ROBO1: variants seen among roughly 807,000 people sequenced by gnomAD.
The protein encoded by ROBO1 is roundabout guidance receptor 1, also known as roundabout homolog 1.
Under a neutral mutation model 195.9 loss-of-function variants are expected in ROBO1, and 149 were observed. That is an observed-to-expected ratio of 0.76 (90% CI 0.67 to 0.87). The LOEUF (loss-of-function observed/expected upper bound fraction) is 0.87, where lower values mean the gene tolerates loss of function less well. ROBO1 is among the 40% of genes least tolerant of loss of function. The pLI, the probability that ROBO1 is intolerant of heterozygous loss-of-function variation, is 0.00. For synonymous variants in ROBO1, 816 were observed against 733.2 expected, an observed-to-expected ratio of 1.11 and a Z score of -1.82; for missense variants, 1,933 against 2,068.3, an observed-to-expected ratio of 0.93 and a Z score of 1.27.
At chr3:78,968,633 G>A (rs1432193019) in intron 3 of ROBO1, among the ~76,000 whole-genome samples, 1 of 151,484 alleles carries the variant, frequency 6.6e-6, no homozygotes, top group Non-Finnish European at 1.5e-5. Context: ...GCAGTAAGAA[G>A]AAATTAAAGA....
chr3:79,755,893 G>T (rs551086554), intron 1 of ROBO1, among the ~76,000 whole-genome samples: 1 of 152,280 alleles, frequency 6.6e-6, no homozygotes, highest in Admixed American at 6.5e-5. Flanking sequence ...GCATGTGCAG[G>T]TGGCCAAGAC....
At chr3:79,435,431 T>C (rs2038849910) in intron 2 of ROBO1, among the ~76,000 whole-genome samples, 1 of 152,140 alleles carries the variant, frequency 6.6e-6, no homozygotes, top group Non-Finnish European at 1.5e-5. Flanking sequence ...GCAGCACTTT[T>C]CTCTGAAAAT....
chr3:78,788,609 AT>A (rs1243505349), intron 4 of ROBO1, among the ~76,000 whole-genome samples: 2 of 151,992 alleles, frequency 1.3e-5, no homozygotes, highest in East Asian at 3.9e-4. Flanking sequence ...AAACAACTCT[AT>A]CACTTTTACA....
intron 1 of ROBO1, among the ~76,000 whole-genome samples, chr3:79,625,450 A>G (rs1945144438): frequency 7.0e-6 from 1 of 143,692 alleles, no homozygotes; most frequent in Non-Finnish European, 1.5e-5. Context: ...AAAAAGCAAA[A>G]TAGACCACTA....
rs77942568 is a variant in ROBO1 at position 78,789,973 on chromosome 3, G to A, written c.500-43073C>T. Among the ~76,000 whole-genome samples the A allele has an allele frequency of 2.6e-5, 4 of 152,062 alleles. No homozygotes were observed. The East Asian group carries it at 7.7e-4, about 29-fold the overall frequency. Reference sequence around the variant, plus strand: ...GCTAGCTTAACATCTATACAGACGAGGCATGCAAACTTACAGCTTTTTTAA... The same window carrying A: ...GCTAGCTTAACATCTATACAGACGAAGCATGCAAACTTACAGCTTTTTTAA... On this transcript the variant is annotated intron_variant, in intron 4 of 30. Transcript: ENST00000464233.
At chr3:79,018,981 C>G in intron 3 of ROBO1, 1 of 990,108 alleles carries the variant, frequency 1.0e-6, no homozygotes, top group African/African-American at 1.7e-5. Context: ...AAAGTAGAAG[C>G]AGCAGCTCCG....
At chr3:78,799,935 T>G (rs565205449) in intron 4 of ROBO1, among the ~76,000 whole-genome samples, 1 of 152,248 alleles carries the variant, frequency 6.6e-6, no homozygotes, top group East Asian at 1.9e-4. Context: ...GTTGAGCTTG[T>G]CTAGGATTCA....
intron 3 of ROBO1, among the ~76,000 whole-genome samples, chr3:79,055,638 T>C (rs1415372107): frequency 6.6e-6 from 1 of 152,022 alleles, no homozygotes; most frequent in Non-Finnish European, 1.5e-5. Context: ...AAATTAATAT[T>C]CCACATAACT....
intron 3 of ROBO1, among the ~76,000 whole-genome samples, chr3:79,070,094 T>C (rs903142582): frequency 5.3e-5 from 8 of 151,684 alleles, no homozygotes; most frequent in Non-Finnish European, 1.0e-4. Flanking sequence ...GTATATCTGA[T>C]TTAACGAAGT....
chr3:78,783,466 G>T (rs1490700338), intron 4 of ROBO1, among the ~76,000 whole-genome samples: 2 of 152,038 alleles, frequency 1.3e-5, no homozygotes, highest in Non-Finnish European at 2.9e-5. Flanking sequence ...ACTATTAATA[G>T]CAAGTATACA....
At chr3:78,674,672 T>C (rs1266937827) in intron 10 of ROBO1, among the ~76,000 whole-genome samples, 4 of 152,188 alleles carry the variant, frequency 2.6e-5, no homozygotes, top group Non-Finnish European at 5.9e-5. Context: ...TTGTTTTTTA[T>C]AGTTTAATAA....
At chr3:79,138,929 T>G (rs1159892799) in intron 2 of ROBO1, among the ~76,000 whole-genome samples, 1 of 151,806 alleles carries the variant, frequency 6.6e-6, no homozygotes, top group South Asian at 2.1e-4. Context: ...TATAACAAGT[T>G]GGAATTAATA....
intron 2 of ROBO1, among the ~76,000 whole-genome samples, chr3:79,369,026 C>A (rs1055244741): frequency 2.6e-5 from 4 of 152,124 alleles, no homozygotes; most frequent in African/African-American, 7.2e-5. Context: ...ATAACCAGTA[C>A]CTTCAACTAT....
At chr3:79,241,940 A>T (rs2082527141) in intron 2 of ROBO1, among the ~76,000 whole-genome samples, 1 of 64,170 alleles carries the variant, frequency 1.6e-5, no homozygotes, top group Admixed American at 2.3e-4. Flanking sequence ...CTTAATGCTT[A>T]ATTTAAGCTT....
At position 78,668,246 on chromosome 3, in the gene ROBO1, C is replaced by T; in HGVS notation, c.1687G>A (p.Ala563Thr). 6.2e-7 allele frequency: 1 copy of T among 1,613,830 alleles called. No homozygotes were observed. The highest frequency in any genetic ancestry group is 1.1e-5 in the South Asian group (1 of 91,076). ...TCTGTCACTTCAGGTTTTGATGGGGCACTAGGGATTAAATTTGGGTCAGTA... is the reference window on the plus strand; with the variant it reads ...TCTGTCACTTCAGGTTTTGATGGGGTACTAGGGATTAAATTTGGGTCAGTA... ...RPTDPNLIPS[A>T]PSKPEVTDVS... Residue 563 changes from alanine to threonine, a missense_variant, in exon 13 of 31, where the codon GCC becomes ACC. Ala to Thr is a moderately conservative substitution (Grantham distance 58). Coordinates refer to ENST00000464233, the MANE Select transcript of ROBO1 (RefSeq NM_002941.4).
At chr3:79,547,169 A>G (rs887376074) in intron 2 of ROBO1, among the ~76,000 whole-genome samples, 2 of 119,800 alleles carry the variant, frequency 1.7e-5, no homozygotes, top group South Asian at 3.1e-4. Flanking sequence ...TGGCAGACAG[A>G]GCGAGACTCC....
At chr3:79,725,223 C>CTTTTTTTT (rs35418345) in intron 1 of ROBO1, among the ~76,000 whole-genome samples, 89 of 106,488 alleles carry the variant, frequency 8.4e-4, no homozygotes, top group Non-Finnish European at 1.1e-3. Flanking sequence ...CTCTCTTCTT[C>CTTTTTTTT]TTTTTTTTTT....
chr3:79,738,459 T>A (rs887625548), intron 1 of ROBO1, among the ~76,000 whole-genome samples: 1 of 152,220 alleles, frequency 6.6e-6, no homozygotes, highest in Admixed American at 6.5e-5. Flanking sequence ...CATTTTCTGA[T>A]CAGTCATGCT....
intron 10 of ROBO1, among the ~76,000 whole-genome samples, chr3:78,677,109 A>G (rs2107763452): frequency 6.6e-6 from 1 of 152,170 alleles, no homozygotes; most frequent in East Asian, 1.9e-4. Context: ...AAAATACTTT[A>G]GACAAGCAAA....
Sources: gnomAD v4.1 joint callset for allele counts (sites outside exome capture counted in the v4.1 genomes callset) on GRCh38, gnomAD v4.1.1 for gene constraint, MANE v1.5 for transcripts, NCBI Gene and HGNC (gene_info 2026-07-23, HGNC 2026-07-21) for gene names.